The following SIPA1L3 variants were observed in gnomAD, a reference collection of about 807,000 sequenced individuals.
The protein encoded by SIPA1L3 is signal induced proliferation associated 1 like 3.
Under a neutral mutation model 150.1 loss-of-function variants are expected in SIPA1L3, and 59 were observed. The observed-to-expected ratio is 0.39, with a 90% CI of 0.32 to 0.49. SIPA1L3 has a LOEUF of 0.49. SIPA1L3 is among the 20% of genes least tolerant of loss of function. The pLI is 0.86. For synonymous variants in SIPA1L3, 1,070 were observed against 1,077.6 expected, an observed-to-expected ratio of 0.99 and a Z score of 0.14; for missense variants, 2,211 against 2,489.5, an observed-to-expected ratio of 0.89 and a Z score of 2.38.
intron 13 of SIPA1L3, among the ~76,000 whole-genome samples, chr19:38,154,334 C>G (rs1971894346): frequency 6.6e-6 from 1 of 152,190 alleles, no homozygotes; most frequent in Non-Finnish European, 1.5e-5. Context: ...AGCAGTGTTG[C>G]TAGGAACATT....
At chr19:37,937,741 C>CAAAAAAAAAA (rs34881450) in intron 1 of SIPA1L3, among the ~76,000 whole-genome samples, 223 of 18,666 alleles carry the variant, frequency 0.012, 44 homozygotes, top group Non-Finnish European at 0.017. Flanking sequence ...AACCCTGTCT[C>CAAAAAAAAAA]AAAAAAAAAA....
chr19:38,112,104 C>T (rs1165007173), intron 8 of SIPA1L3, among the ~76,000 whole-genome samples: 3 of 149,766 alleles, frequency 2.0e-5, no homozygotes, highest in Admixed American at 2.0e-4. Flanking sequence ...CACCTACATG[C>T]ACACACATAC....
intron 1 of SIPA1L3, among the ~76,000 whole-genome samples, chr19:37,970,995 G>T (rs1379933377): frequency 6.6e-6 from 1 of 152,142 alleles, no homozygotes; most frequent in African/African-American, 2.4e-5. Flanking sequence ...AGCCTGGCCT[G>T]TGGTGGGGAG....
chr19:37,994,898 G>C (rs936661046), intron 1 of SIPA1L3, among the ~76,000 whole-genome samples: 5 of 152,136 alleles, frequency 3.3e-5, no homozygotes, highest in African/African-American at 1.2e-4. Flanking sequence ...CTCCATGGCT[G>C]GTGCAGAGGT....
At chr19:38,120,645 A>G (rs1239247663) in intron 9 of SIPA1L3, among the ~76,000 whole-genome samples, 1 of 152,244 alleles carries the variant, frequency 6.6e-6, no homozygotes, top group Admixed American at 6.5e-5. Flanking sequence ...TAGTAATCAC[A>G]GTAAATGTGA....
intron 2 of SIPA1L3, among the ~76,000 whole-genome samples, chr19:38,069,050 A>T (rs187388664): frequency 1.3e-3 from 203 of 152,264 alleles, no homozygotes; most frequent in African/African-American, 4.6e-3. Context: ...ATGTGAGAAC[A>T]AATATGTTAG....
intron 1 of SIPA1L3, among the ~76,000 whole-genome samples, chr19:37,984,134 G>C (rs1201882392): frequency 6.6e-6 from 1 of 152,170 alleles, no homozygotes. Flanking sequence ...GTCTCAGGGA[G>C]CGCTGTGTGA....
At chr19:37,919,046 C>A (rs1283790111) in intron 1 of SIPA1L3, among the ~76,000 whole-genome samples, 1 of 151,988 alleles carries the variant, frequency 6.6e-6, no homozygotes, top group Non-Finnish European at 1.5e-5. Context: ...TGTGTCTTAC[C>A]CTTGCTGTGC....
intron 12 of SIPA1L3, among the ~76,000 whole-genome samples, chr19:38,144,722 C>G (rs1971668855): frequency 6.6e-6 from 1 of 152,202 alleles, no homozygotes. Context: ...ATTTGAGATA[C>G]TCAATTACGA....
intron 7 of SIPA1L3, among the ~76,000 whole-genome samples, chr19:38,108,168 A>T (rs1489649712): frequency 6.6e-6 from 1 of 152,102 alleles, no homozygotes; most frequent in Non-Finnish European, 1.5e-5. Flanking sequence ...AGAAAGGTCC[A>T]TATACTCCTG....
intron 1 of SIPA1L3, among the ~76,000 whole-genome samples, chr19:37,994,300 G>A (rs557801314): frequency 2.0e-5 from 3 of 152,294 alleles, no homozygotes; most frequent in Admixed American, 2.0e-4. Context: ...ATAAAAGTGA[G>A]TATAGTTAAA....
intron 18 of SIPA1L3, among the ~76,000 whole-genome samples, chr19:38,198,055 C>T (rs1973002885): frequency 6.6e-6 from 1 of 152,214 alleles, no homozygotes; most frequent in African/African-American, 2.4e-5. Context: ...TAGGGGCCGC[C>T]TCTGTGTTCC....
chr19:38,167,125 C>T (rs1047114089), intron 15 of SIPA1L3, among the ~76,000 whole-genome samples: 25 of 149,248 alleles, frequency 1.7e-4, no homozygotes, highest in South Asian at 1.5e-3. Context: ...CCCAGATACT[C>T]GGGAGGCTGA....
Position 38,182,648 on chromosome 19 carries a change from C to G in SIPA1L3, c.4338C>G (p.Phe1446Leu). 6.2e-7 allele frequency: 1 copy of G among 1,614,220 alleles called. No individual in the cohort carries two copies. Among genetic ancestry groups the G allele is most frequent in the Non-Finnish European group, 8.5e-7 (1 of 1,180,020 alleles). The change falls in exon 16 of 22, where the codon TTC becomes TTG. Residue 1446 changes from phenylalanine (F) to leucine (L), a missense_variant. This residue lies in a region of SIPA1L3 where 806 missense variants were observed against 870.1 expected (regional missense o/e 0.93). Transcript: ENST00000222345. The stretch of plus-strand genomic sequence containing the variant: ...CCGCCTCCGTCCCCAAGTCCTTCTT[C>G]TCCAAGCAGCCTGTACGCAATAAGC... ...QLSASVPKSF[F>L]SKQPVRNKHP...
intron 1 of SIPA1L3, among the ~76,000 whole-genome samples, chr19:37,961,946 CT>C (rs889173789): frequency 6.6e-5 from 10 of 151,970 alleles, no homozygotes; most frequent in African/African-American, 2.2e-4. Context: ...ATTTCCATTG[CT>C]TTTTTTCTAA....
chr19:38,034,320 T>C (rs1161417954), intron 2 of SIPA1L3, among the ~76,000 whole-genome samples: 1 of 152,164 alleles, frequency 6.6e-6, no homozygotes, highest in African/African-American at 2.4e-5. Flanking sequence ...CGTAAGCGCC[T>C]CACGTGCATG....
chr19:38,126,452 A>G (rs1440496279), intron 9 of SIPA1L3, among the ~76,000 whole-genome samples: 1 of 152,130 alleles, frequency 6.6e-6, no homozygotes, highest in African/African-American at 2.4e-5. Flanking sequence ...TTCTTAAAAC[A>G]TTATGACATT....
chr19:37,951,060 C>T (rs946380251), intron 1 of SIPA1L3, among the ~76,000 whole-genome samples: 3 of 152,228 alleles, frequency 2.0e-5, no homozygotes, highest in East Asian at 1.9e-4. Flanking sequence ...CCATCCCGTC[C>T]GTTCACTTAC....
At position 38,053,807 on chromosome 19, in the gene SIPA1L3, C is replaced by T. The variant is rs1969257304; in HGVS notation, c.-311+24651C>T. Reference sequence around the variant, plus strand: ...TCTCGAACTCCTGGGCTCAGGTGATCCTCTCGCCGTGGCCTCCCACAGTGC... The same window carrying T: ...TCTCGAACTCCTGGGCTCAGGTGATTCTCTCGCCGTGGCCTCCCACAGTGC... On this transcript the variant is annotated intron_variant, in intron 2 of 21. Transcript: ENST00000222345. Among the ~76,000 whole-genome samples the T allele has an allele frequency of 3.3e-5, 5 of 152,108 alleles. No homozygotes were observed. The South Asian group carries it at 1.0e-3, about 32-fold the overall frequency.
Sources: allele counts gnomAD v4.1 joint callset (sites outside exome capture counted in the v4.1 genomes callset), GRCh38; gene constraint gnomAD v4.1.1; regional missense constraint gnomAD v4.1.1; transcripts MANE v1.5; gene names NCBI Gene and HGNC (gene_info 2026-07-23, HGNC 2026-07-21).